The following ENOPH1 variants were observed in gnomAD, a reference collection of about 807,000 sequenced individuals.
ENOPH1 encodes enolase-phosphatase 1, also known as enolase-phosphatase E1.
In ENOPH1, 14 loss-of-function variants were observed where a neutral mutation model predicts 31.1. The ratio of observed to expected loss-of-function variants is 0.45; its 90% CI spans 0.30 to 0.70. The LOEUF is 0.70. Ranked by LOEUF, ENOPH1 falls within the 30% of genes least tolerant of loss-of-function variation. ENOPH1 has a pLI of 0.09. For synonymous variants in ENOPH1, 127 were observed against 123.2 expected (o/e 1.03, Z -0.21); for missense variants, 243 against 321.5 (o/e 0.76, Z 1.87).
intron 1 of ENOPH1, among the ~76,000 whole-genome samples, chr4:82,438,219 A>G (rs935221351): frequency 6.6e-6 from 1 of 152,214 alleles, no homozygotes; most frequent in Non-Finnish European, 1.5e-5. Context: ...AAAGAAGAGT[A>G]TGATATAGAG....
In ENOPH1 at chr4:82,430,744, GAC is replaced by G; in HGVS notation, c.-85_-84del. The G allele has an allele frequency of 7.5e-7, 1 of 1,326,888 alleles. No individual in the cohort carries two copies. The highest frequency in any genetic ancestry group is 1.1e-6 in the Non-Finnish European group (1 of 927,216). The allele number at this position is 1,326,888 out of a possible 1,614,324, so 82.2% of individuals were successfully genotyped here. The stretch of plus-strand genomic sequence containing the variant: ...TCGCGCGGGGCCGCCGGAAGCCCAA[GAC>G]GGTACCGGGGGCCGCAGCCGCAGCC... On this transcript the variant is annotated 5_prime_UTR_variant, in exon 1 of 6. Transcript: ENST00000273920.
At chr4:82,448,269 T>TG (rs1299262884) in intron 2 of ENOPH1, among the ~76,000 whole-genome samples, 4 of 141,254 alleles carry the variant, frequency 2.8e-5, no homozygotes, top group African/African-American at 9.9e-5. Context: ...TTGTTTTTTT[T>TG]GTTTTTTTTT....
chr4:82,443,738 G>C (rs1041555981), intron 1 of ENOPH1, among the ~76,000 whole-genome samples: 1 of 151,642 alleles, frequency 6.6e-6, no homozygotes, highest in South Asian at 2.1e-4. Flanking sequence ...AAAAAAAAAG[G>C]GAAATAATAG....
chr4:82,456,878 A>G, intron 4 of ENOPH1, 37 bp from the exon 5 acceptor site: 5 of 1,609,168 alleles, frequency 3.1e-6, no homozygotes, highest in Non-Finnish European at 3.4e-6. Context: ...ATGCAAGTGT[A>G]TTTGTATTGC....
chr4:82,444,127 G>A (rs769662111), intron 1 of ENOPH1, among the ~76,000 whole-genome samples: 20 of 152,162 alleles, frequency 1.3e-4, no homozygotes, highest in Non-Finnish European at 2.4e-4. Flanking sequence ...CACCTGCCTC[G>A]GCCTCCCAAA....
intron 2 of ENOPH1, among the ~76,000 whole-genome samples, chr4:82,450,750 T>C (rs1192689314): frequency 6.6e-6 from 1 of 152,240 alleles, no homozygotes; most frequent in Non-Finnish European, 1.5e-5. Flanking sequence ...ATCCCAGTAG[T>C]GAATCAACAA....
chr4:82,438,801 T>A (rs568234870), intron 1 of ENOPH1, among the ~76,000 whole-genome samples: 2 of 152,234 alleles, frequency 1.3e-5, no homozygotes, highest in African/African-American at 4.8e-5. Flanking sequence ...AGTGCTTACT[T>A]CTTCTTTGTC....
intron 4 of ENOPH1, 104 bp downstream of exon 4, chr4:82,454,958 G>A: frequency 2.9e-6 from 3 of 1,048,850 alleles, no homozygotes; most frequent in South Asian, 3.7e-5. Context: ...TTTTTTTTTT[G>A]GTTGTTTAAA....
At chr4:82,439,563 C>T (rs1254074013) in intron 1 of ENOPH1, among the ~76,000 whole-genome samples, 2 of 152,128 alleles carry the variant, frequency 1.3e-5, no homozygotes, top group Non-Finnish European at 2.9e-5. Flanking sequence ...AGATTCCAGG[C>T]ATCTGACTCT....
In ENOPH1 at chr4:82,461,116, A is replaced by G. The variant is rs955596050; in HGVS notation, c.*996A>G. On this transcript the variant is annotated 3_prime_UTR_variant, in exon 6 of 6. Transcript: ENST00000273920. ...AGTTTTATATAGGTTCCTGAACTCT[A>G]TCCACATGCCGCCATAGCAAAAGAG... 2 of 152,200 alleles carry G rather than the reference A, an allele frequency of 1.3e-5. No individual in the cohort carries two copies. The highest frequency in any genetic ancestry group is 4.8e-5 in the African/African-American group (2 of 41,446). 9.4% of individuals were successfully genotyped at this position (152,200 alleles called of 1,614,324 possible). A position where few individuals can be genotyped will look rare whatever the true frequency, so the allele number is the denominator to read the frequency against.
chr4:82,436,375 G>C (rs993775014), intron 1 of ENOPH1, among the ~76,000 whole-genome samples: 12 of 152,122 alleles, frequency 7.9e-5, no homozygotes, highest in African/African-American at 2.7e-4. Flanking sequence ...TCACTGTCTT[G>C]CGTATATCAA....
chr4:82,430,619 G>C lies in ENOPH1; in HGVS notation c.-211G>C. 1.8e-6 allele frequency: 1 copy of C among 561,046 alleles called. No individual in the cohort carries two copies. The highest frequency in any genetic ancestry group is 3.2e-6 in the Non-Finnish European group (1 of 313,698). 34.8% of individuals were successfully genotyped at this position (561,046 alleles called of 1,614,324 possible). Reference sequence around the variant, plus strand: ...CGGGCTCCTGCCCCGTCCTGCTCACGAGTTCAGGGCTCCTGGGCGGCCGCC... The same window carrying C: ...CGGGCTCCTGCCCCGTCCTGCTCACCAGTTCAGGGCTCCTGGGCGGCCGCC... On this transcript the variant is annotated 5_prime_UTR_variant, in exon 1 of 6. Transcript: ENST00000273920.
In ENOPH1 at chr4:82,441,715, G is replaced by A. The variant is rs191455398; in HGVS notation, c.85-6205G>A. Among the ~76,000 whole-genome samples the A allele has an allele frequency of 6.4e-3, 976 of 152,232 alleles. 3 individuals are homozygous for A. The highest frequency in any genetic ancestry group is 0.017 in the Middle Eastern group (5 of 294). On this transcript the variant is annotated intron_variant, in intron 1 of 5. Coordinates refer to ENST00000273920, the MANE Select transcript of ENOPH1 (RefSeq NM_021204.5). ...AGCACTTTGAGAGGTTGAGATGGGA[G>A]GATCACTTAAGCCCAGGAGTTCACG...
At chr4:82,443,737 G>A (rs918591780) in intron 1 of ENOPH1, among the ~76,000 whole-genome samples, 1 of 151,526 alleles carries the variant, frequency 6.6e-6, no homozygotes, top group Non-Finnish European at 1.5e-5. Context: ...AAAAAAAAAA[G>A]GGAAATAATA....
Position 82,460,202 on chromosome 4 carries a change from T to G in ENOPH1, c.*82T>G. ...GGTTTATTCTAATGGTAAAAGTAACTTACTTAAAAAACATATGTACACATA... is the reference window on the plus strand; with the variant it reads ...GGTTTATTCTAATGGTAAAAGTAACGTACTTAAAAAACATATGTACACATA... On this transcript the variant is annotated 3_prime_UTR_variant, in exon 6 of 6. Transcript: ENST00000273920. 6.8e-7 allele frequency: 1 copy of G among 1,469,614 alleles called. No homozygotes were observed. Among genetic ancestry groups the G allele is most frequent in the Non-Finnish European group, 9.4e-7 (1 of 1,066,348 alleles). The allele number at this position is 1,469,614 out of a possible 1,614,324, so 91.0% of individuals were successfully genotyped here.
chr4:82,435,456 T>C (rs766707431), intron 1 of ENOPH1, among the ~76,000 whole-genome samples: 4 of 152,210 alleles, frequency 2.6e-5, no homozygotes, highest in Non-Finnish European at 5.9e-5. Context: ...TCCAGGCTGG[T>C]AAAGCATTTT....
At chr4:82,439,606 C>T (rs926215434) in intron 1 of ENOPH1, among the ~76,000 whole-genome samples, 4 of 152,290 alleles carry the variant, frequency 2.6e-5, no homozygotes, top group Admixed American at 6.5e-5. Flanking sequence ...GATTGGTAAA[C>T]TATAATCTCA....
At chr4:82,448,810 G>A (rs994544208) in intron 2 of ENOPH1, among the ~76,000 whole-genome samples, 16 of 151,536 alleles carry the variant, frequency 1.1e-4, no homozygotes, top group African/African-American at 3.9e-4. Context: ...TGTAATCCCA[G>A]CACTTTGGGA....
chr4:82,436,360 G>A (rs1317425520), intron 1 of ENOPH1, among the ~76,000 whole-genome samples: 1 of 152,094 alleles, frequency 6.6e-6, no homozygotes, highest in Non-Finnish European at 1.5e-5. Context: ...GGAGTCTTTG[G>A]AGAATCACTG....
Sources: allele counts gnomAD v4.1 joint callset (sites outside exome capture counted in the v4.1 genomes callset), GRCh38; gene constraint gnomAD v4.1.1; transcripts MANE v1.5; gene names NCBI Gene and HGNC (gene_info 2026-07-23, HGNC 2026-07-21).